The following TSHZ2 variants were observed in gnomAD, a reference collection of about 807,000 sequenced individuals.
The protein encoded by TSHZ2 is teashirt homolog 2.
In TSHZ2, 21 loss-of-function variants were observed where a neutral mutation model predicts 74.4. The ratio of observed to expected loss-of-function variants is 0.28; its 90% CI spans 0.20 to 0.41. The LOEUF (loss-of-function observed/expected upper bound fraction) is 0.41, where lower values mean the gene tolerates loss of function less well. Among genes scored for constraint, TSHZ2 ranks in the 10% least tolerant of loss-of-function variants. TSHZ2 has a pLI of 1.00. For missense variants in TSHZ2, 1,244 were observed against 1,293.5 expected, an observed-to-expected ratio of 0.96 and a Z score of 0.59; for synonymous variants, 540 against 515.3, an observed-to-expected ratio of 1.05 and a Z score of -0.65.
intron 2 of TSHZ2, among the ~76,000 whole-genome samples, chr20:53,423,328 G>A (rs1983545701): frequency 6.6e-6 from 1 of 152,116 alleles, no homozygotes; most frequent in Non-Finnish European, 1.5e-5. Context: ...AGGTTGTAGT[G>A]AGCTGAGATC....
At chr20:53,039,641 G>A (rs988502126) in intron 1 of TSHZ2, among the ~76,000 whole-genome samples, 1 of 152,172 alleles carries the variant, frequency 6.6e-6, no homozygotes, top group Admixed American at 6.5e-5. Flanking sequence ...TTAGCTGGGT[G>A]TGGTGGCAGG....
rs985197389 is a variant in TSHZ2 at position 53,487,317 on chromosome 20, C to T, written c.*182C>T. The T allele has an allele frequency of 6.7e-6, 1 of 150,348 alleles. No homozygotes were observed. Among genetic ancestry groups the T allele is most frequent in the African/African-American group, 2.4e-5 (1 of 40,928 alleles). 9.3% of individuals were successfully genotyped at this position (150,348 alleles called of 1,614,324 possible). On this transcript the variant is annotated 3_prime_UTR_variant, in exon 3 of 3. Transcript: ENST00000371497. ...AATCACCCCAGCCATTTCTCTTCAT[C>T]CTCACTAACAATTTGGTAATGAAGT...
At chr20:53,198,152 T>G (rs1310607369) in intron 1 of TSHZ2, 2 of 152,178 alleles carry the variant, frequency 1.3e-5, no homozygotes, top group African/African-American at 2.4e-5. Context: ...GCTAACACCT[T>G]CTCACTCAGC....
At chr20:53,343,880 A>G (rs1980325262) in intron 2 of TSHZ2, among the ~76,000 whole-genome samples, 1 of 152,208 alleles carries the variant, frequency 6.6e-6, no homozygotes, top group Admixed American at 6.5e-5. Flanking sequence ...GCCAGGCATG[A>G]ATAGCCTATC....
intron 2 of TSHZ2, among the ~76,000 whole-genome samples, chr20:53,263,435 G>T (rs1014337538): frequency 6.6e-6 from 1 of 152,220 alleles, no homozygotes; most frequent in South Asian, 2.1e-4. Flanking sequence ...GAGGACCCTA[G>T]CATGCCGGCA....
At chr20:53,281,504 G>A (rs1991060871) in intron 2 of TSHZ2, among the ~76,000 whole-genome samples, 1 of 152,200 alleles carries the variant, frequency 6.6e-6, no homozygotes, top group South Asian at 2.1e-4. Context: ...TAGGTGATAT[G>A]TAAATGATTA....
chr20:52,984,983 TCA>T (rs1412589775), intron 1 of TSHZ2, among the ~76,000 whole-genome samples: 2 of 152,236 alleles, frequency 1.3e-5, no homozygotes, highest in Non-Finnish European at 2.9e-5. Flanking sequence ...CTGCAAATTG[TCA>T]GTCTATCGTT....
chr20:53,362,061 A>G (rs920706632), intron 2 of TSHZ2, among the ~76,000 whole-genome samples: 6 of 151,712 alleles, frequency 4.0e-5, no homozygotes, highest in Non-Finnish European at 7.4e-5. Flanking sequence ...CTGGGGTTTC[A>G]CCATGTTTGC....
chr20:53,293,190 C>T (rs1040680532), intron 2 of TSHZ2, among the ~76,000 whole-genome samples: 3 of 152,194 alleles, frequency 2.0e-5, no homozygotes, highest in Admixed American at 6.5e-5. Context: ...GAGCCAAGTG[C>T]AGTGGCTCAC....
At chr20:53,459,185 G>A (rs1358843695) in intron 2 of TSHZ2, among the ~76,000 whole-genome samples, 4 of 152,200 alleles carry the variant, frequency 2.6e-5, no homozygotes, top group Non-Finnish European at 5.9e-5. Flanking sequence ...TTAACGTGTG[G>A]GAGTCTAAGT....
At chr20:52,991,416 A>T (rs1981986604) in intron 1 of TSHZ2, among the ~76,000 whole-genome samples, 1 of 143,936 alleles carries the variant, frequency 6.9e-6, no homozygotes, top group Non-Finnish European at 1.5e-5. Context: ...GGGGGGAGAG[A>T]GTGTGAAAGC....
chr20:53,093,479 G>C (rs1985947969), intron 1 of TSHZ2, among the ~76,000 whole-genome samples: 1 of 152,226 alleles, frequency 6.6e-6, no homozygotes. Context: ...TGGTGGTGCT[G>C]CTCTCCTTCA....
At chr20:53,058,196 C>T (rs1984703173) in intron 1 of TSHZ2, among the ~76,000 whole-genome samples, 1 of 152,160 alleles carries the variant, frequency 6.6e-6, no homozygotes, top group Non-Finnish European at 1.5e-5. Flanking sequence ...GCCCACCGCT[C>T]ACCACCTGCT....
At chr20:53,106,956 C>A (rs974597371) in intron 1 of TSHZ2, among the ~76,000 whole-genome samples, 3 of 152,200 alleles carry the variant, frequency 2.0e-5, no homozygotes, top group East Asian at 3.9e-4. Flanking sequence ...CCTCGGCCTC[C>A]CAAAGTCCTG....
In TSHZ2 at chr20:53,171,060, A is replaced by T. The variant is rs575618428; in HGVS notation, c.41-82439A>T. Among the ~76,000 whole-genome samples, 3 of 152,060 alleles carry T rather than the reference A, an allele frequency of 2.0e-5. No homozygotes were observed. In the East Asian group the frequency reaches 5.8e-4, roughly 29 times the overall value. ...AGCTTTAATTTAGACATCGAGTTTC[A>T]TCTCTTACTTAAATGTATCTGTGTG... On this transcript the variant is annotated intron_variant, in intron 1 of 2. Coordinates refer to ENST00000371497, the MANE Select transcript of TSHZ2 (RefSeq NM_173485.6).
At chr20:53,252,456 C>A (rs1269083703) in intron 1 of TSHZ2, among the ~76,000 whole-genome samples, 1 of 152,184 alleles carries the variant, frequency 6.6e-6, no homozygotes, top group East Asian at 1.9e-4. Flanking sequence ...ATGTTATCTG[C>A]ATGGTTCTGA....
At chr20:53,220,513 A>T (rs1042430928) in intron 1 of TSHZ2, among the ~76,000 whole-genome samples, 3 of 152,170 alleles carry the variant, frequency 2.0e-5, no homozygotes, top group African/African-American at 4.8e-5. Flanking sequence ...TCATGGGCCA[A>T]CCTATTTTTA....
intron 2 of TSHZ2, among the ~76,000 whole-genome samples, chr20:53,370,151 T>C (rs780289935): frequency 1.1e-4 from 16 of 152,184 alleles, no homozygotes; most frequent in Non-Finnish European, 1.5e-4. Flanking sequence ...GCAAGGAATT[T>C]CTATTTCTGG....
chr20:53,205,430 G>T (rs1989143024), intron 1 of TSHZ2, among the ~76,000 whole-genome samples: 1 of 152,178 alleles, frequency 6.6e-6, no homozygotes, highest in Admixed American at 6.5e-5. Context: ...TATTCTTTCT[G>T]CATTGAGCTG....
Sources: allele counts gnomAD v4.1 joint callset (sites outside exome capture counted in the v4.1 genomes callset), GRCh38; gene constraint gnomAD v4.1.1; transcripts MANE v1.5; gene names NCBI Gene and HGNC (gene_info 2026-07-23, HGNC 2026-07-21).